TENM4: variants seen among roughly 807,000 people sequenced by gnomAD.
The protein encoded by TENM4 is teneurin transmembrane protein 4, also known as teneurin-4.
A neutral mutation model predicts 243.3 loss-of-function variants in TENM4; 82 were observed. The ratio of observed to expected loss-of-function variants is 0.34; its 90% CI spans 0.28 to 0.40. The LOEUF is 0.40. Ranked by LOEUF, TENM4 falls within the 10% of genes least tolerant of loss-of-function variation. TENM4 has a pLI of 1.00. For synonymous variants in TENM4, 1,412 were observed against 1,456.3 expected (o/e 0.97, Z 0.69); for missense variants, 3,138 against 3,673.3 (o/e 0.85, Z 3.77).
chr11:79,137,259 G>A (rs1319877428), intron 4 of TENM4, among the ~76,000 whole-genome samples: 1 of 152,168 alleles, frequency 6.6e-6, no homozygotes, highest in Non-Finnish European at 1.5e-5. Flanking sequence ...GCTAAGAAGG[G>A]AGTTACAGTG....
intron 25 of TENM4, 132 bp downstream of exon 25, chr11:78,720,238 G>GATT: frequency 9.3e-7 from 1 of 1,075,908 alleles, no homozygotes. Context: ...CATTGCAACT[G>GATT]ATTACCCCAA....
intron 4 of TENM4, among the ~76,000 whole-genome samples, chr11:79,095,574 C>T (rs901188057): frequency 6.6e-6 from 1 of 152,164 alleles, no homozygotes; most frequent in Non-Finnish European, 1.5e-5. Context: ...CGGCAACCTG[C>T]CAGGAGACCC....
At chr11:79,089,840 T>G (rs1860903645) in intron 4 of TENM4, among the ~76,000 whole-genome samples, 1 of 152,178 alleles carries the variant, frequency 6.6e-6, no homozygotes, top group Admixed American at 6.5e-5. Context: ...GATATTTGTG[T>G]GCTGTTGTGT....
chr11:79,327,457 T>G (rs1383203504), intron 1 of TENM4, among the ~76,000 whole-genome samples: 1 of 152,196 alleles, frequency 6.6e-6, no homozygotes, highest in African/African-American at 2.4e-5. Flanking sequence ...AGATGTTCTC[T>G]CTAAAAGACA....
chr11:78,829,275 C>T (rs1283075046), intron 12 of TENM4, among the ~76,000 whole-genome samples: 1 of 152,206 alleles, frequency 6.6e-6, no homozygotes, highest in Non-Finnish European at 1.5e-5. Context: ...CTTGACAAGG[C>T]TGAACTCCCT....
rs574374556 is a variant in TENM4 at position 78,653,499 on chromosome 11, T to G, written c.*4559A>C. The stretch of plus-strand genomic sequence containing the variant: ...AGACTTCAGGAAAATGATTTCCACA[T>G]GGTAAGGCCAGAGTCTCCAGTGTTG... On this transcript the variant is annotated 3_prime_UTR_variant, in exon 34 of 34. Transcript: ENST00000278550. The G allele has an allele frequency of 6.6e-6, 1 of 152,392 alleles. No homozygotes were observed. The highest frequency in any genetic ancestry group is 2.4e-5 in the African/African-American group (1 of 41,590). 9.4% of individuals were successfully genotyped at this position (152,392 alleles called of 1,614,324 possible).
intron 12 of TENM4, among the ~76,000 whole-genome samples, chr11:78,842,813 T>C (rs1455394723): frequency 1.3e-5 from 2 of 152,264 alleles, no homozygotes. Context: ...ATTCTGAGCT[T>C]CATTTTCCTA....
chr11:79,255,720 A>C (rs940315016), intron 2 of TENM4, among the ~76,000 whole-genome samples: 6 of 152,240 alleles, frequency 3.9e-5, no homozygotes, highest in African/African-American at 1.4e-4. Flanking sequence ...GATAATCAAA[A>C]TTAAAAATCC....
chr11:79,185,565 G>A (rs1863366433), intron 3 of TENM4, among the ~76,000 whole-genome samples: 1 of 152,090 alleles, frequency 6.6e-6, no homozygotes, highest in Non-Finnish European at 1.5e-5. Flanking sequence ...GGTGCCAGGA[G>A]GAGACAATCA....
intron 3 of TENM4, among the ~76,000 whole-genome samples, chr11:79,150,493 TC>T (rs1411405696): frequency 3.9e-5 from 6 of 152,146 alleles, no homozygotes. Context: ...TTTCTCCTTT[TC>T]AGAGAGATTT....
rs1858317487 is a variant in TENM4, at chr11:78,843,772, G to T, written c.1681+10332C>A. Among the ~76,000 whole-genome samples, 7 of 152,322 alleles carry T rather than the reference G, an allele frequency of 4.6e-5. No individual in the cohort carries two copies. In the South Asian group the frequency reaches 1.5e-3, roughly 32 times the overall value. On this transcript the variant is annotated intron_variant, in intron 12 of 33. Coordinates refer to ENST00000278550, the MANE Select transcript of TENM4 (RefSeq NM_001098816.3). ...GAGTTAAGGAGTACTGGCAAAGAAAGATGGAATCTAGCAGCCTTGGGATGC... is the reference window on the plus strand; with the variant it reads ...GAGTTAAGGAGTACTGGCAAAGAAATATGGAATCTAGCAGCCTTGGGATGC...
chr11:79,067,303 T>G (rs1361832829), intron 5 of TENM4, among the ~76,000 whole-genome samples: 2 of 152,164 alleles, frequency 1.3e-5, no homozygotes, highest in African/African-American at 4.8e-5. Context: ...AATTAGAGCC[T>G]AAATTCCTCA....
At chr11:79,364,738 A>G (rs1857647521) in intron 1 of TENM4, among the ~76,000 whole-genome samples, 1 of 152,246 alleles carries the variant, frequency 6.6e-6, no homozygotes, top group African/African-American at 2.4e-5. Flanking sequence ...ACACATCTGT[A>G]AATGCCACAG....
chr11:78,999,994 CAG>C (rs1471735223), intron 6 of TENM4, among the ~76,000 whole-genome samples: 1 of 152,130 alleles, frequency 6.6e-6, no homozygotes, highest in African/African-American at 2.4e-5. Context: ...GCCAAAGACA[CAG>C]AGAAAATTTT....
intron 6 of TENM4, among the ~76,000 whole-genome samples, chr11:79,061,249 T>C (rs896490677): frequency 1.3e-5 from 2 of 152,198 alleles, no homozygotes; most frequent in Non-Finnish European, 2.9e-5. Flanking sequence ...GAGTACCGCA[T>C]AACGAAGCTG....
At chr11:78,668,564 G>T (rs1341599851) in intron 32 of TENM4, among the ~76,000 whole-genome samples, 1 of 152,128 alleles carries the variant, frequency 6.6e-6, no homozygotes, top group Non-Finnish European at 1.5e-5. Flanking sequence ...CAATCCATGG[G>T]ATGTATCCCA....
At chr11:79,212,532 G>T (rs916115915) in intron 3 of TENM4, among the ~76,000 whole-genome samples, 1 of 152,002 alleles carries the variant, frequency 6.6e-6, no homozygotes, top group African/African-American at 2.4e-5. Flanking sequence ...TTTTGGAAAG[G>T]GGGTGGGAAG....
intron 6 of TENM4, among the ~76,000 whole-genome samples, chr11:78,968,841 T>C (rs1857487163): frequency 1.3e-5 from 2 of 152,154 alleles, no homozygotes; most frequent in Non-Finnish European, 2.9e-5. Context: ...CAGCTCTGGT[T>C]TGGATTTTCC....
chr11:79,366,452 G>T (rs1038196924), intron 1 of TENM4, among the ~76,000 whole-genome samples: 1 of 152,354 alleles, frequency 6.6e-6, no homozygotes, highest in Admixed American at 6.5e-5. Context: ...TGATTCACAG[G>T]TTTAAGGGCT....
Sources: gnomAD v4.1 joint callset for allele counts (sites outside exome capture counted in the v4.1 genomes callset) on GRCh38, gnomAD v4.1.1 for gene constraint, MANE v1.5 for transcripts, NCBI Gene and HGNC (gene_info 2026-07-23, HGNC 2026-07-21) for gene names.